The following TJP2 variants were observed in gnomAD, a reference collection of about 807,000 sequenced individuals.
TJP2 encodes tight junction protein 2, also known as Friedreich ataxia region gene X104 (tight junction protein ZO-2).
TJP2 carries 91 observed loss-of-function variants against 133.1 expected under a neutral mutation model. The observed-to-expected ratio is 0.68, with a 90% CI of 0.58 to 0.81. The LOEUF is 0.81. TJP2 is among the 40% of genes least tolerant of loss of function. TJP2 has a pLI of 0.00. For missense variants in TJP2, 1,541 were observed against 1,565.6 expected, an observed-to-expected ratio of 0.98 and a Z score of 0.26; for synonymous variants, 592 against 583.4, an observed-to-expected ratio of 1.01 and a Z score of -0.21.
intron 9 of TJP2, among the ~76,000 whole-genome samples, chr9:69,228,433 TCAGTTGTACCCCAAACCTCAGCATCATG>T (rs763541138): frequency 2.0e-5 from 3 of 152,148 alleles, no homozygotes; most frequent in Non-Finnish European, 4.4e-5. Context: ...GGTGACAGGA[TCAGTTGTACCCCAAACCTCAGCATCATG>T]CAGTATATGC....
At chr9:69,156,145 G>A (rs1265559696) in intron 2 of TJP2, among the ~76,000 whole-genome samples, 1 of 152,060 alleles carries the variant, frequency 6.6e-6, no homozygotes. Context: ...CTGGAAGATC[G>A]CTTGAGGCCA....
chr9:69,248,498 C>A, intron 19 of TJP2: 1 of 1,303,798 alleles, frequency 7.7e-7, no homozygotes, highest in Non-Finnish European at 9.7e-7. Context: ...CTTTAGGTGC[C>A]GTCTGTCCAA....
intron 1 of TJP2, among the ~76,000 whole-genome samples, chr9:69,130,131 C>T (rs779583230): frequency 1.3e-5 from 2 of 152,026 alleles, no homozygotes; most frequent in Admixed American, 1.3e-4. Flanking sequence ...CCAAGCTGCA[C>T]GGCAGTGTTT....
chr9:69,164,288 C>T (rs1268783021), intron 2 of TJP2, among the ~76,000 whole-genome samples: 1 of 133,490 alleles, frequency 7.5e-6, no homozygotes, highest in East Asian at 2.3e-4. Context: ...ATCCTGAATT[C>T]TTAGAGCTAG....
chr9:69,229,014 T>C (rs1829560945), intron 9 of TJP2, among the ~76,000 whole-genome samples, 170 bp from the exon 10 acceptor site: 3 of 152,232 alleles, frequency 2.0e-5, no homozygotes, highest in Non-Finnish European at 4.4e-5. Context: ...TGAGAAACCA[T>C]TGGCACCTGC....
At chr9:69,167,878 AAAAAG>A (rs1285349142) in intron 2 of TJP2, among the ~76,000 whole-genome samples, 1 of 152,058 alleles carries the variant, frequency 6.6e-6, no homozygotes, top group Non-Finnish European at 1.5e-5. Flanking sequence ...AAAAAAAAAA[AAAAAG>A]AAGAAGAAGA....
At chr9:69,175,409 C>G (rs1825010852) in intron 1 of TJP2, among the ~76,000 whole-genome samples, 1 of 152,180 alleles carries the variant, frequency 6.6e-6, no homozygotes, top group Non-Finnish European at 1.5e-5. Flanking sequence ...GCTGACGGTC[C>G]TTTTGGGAAA....
At chr9:69,198,729 A>G (rs1278633526) in intron 1 of TJP2, among the ~76,000 whole-genome samples, 4 of 152,246 alleles carry the variant, frequency 2.6e-5, no homozygotes, top group African/African-American at 9.6e-5. Context: ...CACTCAGTGC[A>G]TTGTGAAGGG....
chr9:69,165,265 C>T (rs188312539), intron 2 of TJP2, among the ~76,000 whole-genome samples: 1 of 152,284 alleles, frequency 6.6e-6, no homozygotes, highest in Non-Finnish European at 1.5e-5. Flanking sequence ...GTAGCTGGGA[C>T]TTCAGGTGTG....
chr9:69,174,719 G>T (rs1426756768), intron 1 of TJP2, among the ~76,000 whole-genome samples: 1 of 152,158 alleles, frequency 6.6e-6, no homozygotes, highest in Non-Finnish European at 1.5e-5. Flanking sequence ...CTGGATTTCT[G>T]CTGGCTTGGA....
At chr9:69,173,517 G>A (rs1824806661), upstream of TJP2, among the ~76,000 whole-genome samples, 1 of 152,218 alleles carries the variant, frequency 6.6e-6, no homozygotes, top group Non-Finnish European at 1.5e-5. Flanking sequence ...CTTTATTGGA[G>A]TTGTTGGAAA....
At chr9:69,191,386 C>A (rs1273893629) in intron 1 of TJP2, among the ~76,000 whole-genome samples, 1 of 152,152 alleles carries the variant, frequency 6.6e-6, no homozygotes, top group Non-Finnish European at 1.5e-5. Flanking sequence ...TGTTGTGTTT[C>A]TGAGTTGTTG....
intron 1 of TJP2, among the ~76,000 whole-genome samples, chr9:69,176,388 G>A (rs1564404466): frequency 6.6e-6 from 1 of 152,204 alleles, no homozygotes; most frequent in Non-Finnish European, 1.5e-5. Context: ...GGTTGATAAG[G>A]GAGGTGAGAT....
upstream of TJP2, among the ~76,000 whole-genome samples, chr9:69,173,799 C>A (rs1335038527): frequency 6.6e-6 from 1 of 152,162 alleles, no homozygotes; most frequent in Non-Finnish European, 1.5e-5. Context: ...CAGGATGCCC[C>A]CGCGACCTCA....
intron 1 of TJP2, among the ~76,000 whole-genome samples, chr9:69,185,206 T>TG (rs1456441124): frequency 6.6e-6 from 1 of 152,086 alleles, no homozygotes; most frequent in Non-Finnish European, 1.5e-5. Context: ...GGATTACAGG[T>TG]GGGTGCCACC....
chr9:69,242,128 A>C (rs1336828224), intron 17 of TJP2, among the ~76,000 whole-genome samples: 1 of 152,212 alleles, frequency 6.6e-6, no homozygotes. Context: ...GGACGAGGAG[A>C]GCAGGGCAGA....
At chr9:69,204,527 T>C (rs1827245078) in intron 1 of TJP2, among the ~76,000 whole-genome samples, 1 of 152,272 alleles carries the variant, frequency 6.6e-6, no homozygotes, top group Non-Finnish European at 1.5e-5. Flanking sequence ...GTTATTCTTT[T>C]ATCTGCTAAG....
chr9:69,179,876 A>C (rs907718459), intron 1 of TJP2, among the ~76,000 whole-genome samples: 1 of 152,206 alleles, frequency 6.6e-6, no homozygotes, highest in Admixed American at 6.5e-5. Context: ...AAAGATTTCG[A>C]ATCATACCTT....
intron 2 of TJP2, among the ~76,000 whole-genome samples, chr9:69,158,829 G>C (rs74745490): frequency 9.9e-5 from 15 of 152,038 alleles, no homozygotes; most frequent in Non-Finnish European, 1.9e-4. Context: ...GGCTGGAATG[G>C]GGGGGTTCTT....
Sources: allele counts gnomAD v4.1 joint callset (sites outside exome capture counted in the v4.1 genomes callset), GRCh38; gene constraint gnomAD v4.1.1; transcripts MANE v1.5; gene names NCBI Gene and HGNC (gene_info 2026-07-23, HGNC 2026-07-21).